EEPD1: variants seen among roughly 807,000 people sequenced by gnomAD.
EEPD1 encodes endonuclease/exonuclease/phosphatase family domain containing 1, also known as endonuclease/exonuclease/phosphatase family domain-containing protein 1.
Under a neutral mutation model 46.3 loss-of-function variants are expected in EEPD1, and 17 were observed. The observed-to-expected ratio is 0.37, with a 90% CI of 0.25 to 0.55. The LOEUF (loss-of-function observed/expected upper bound fraction) is 0.55, where lower values mean the gene tolerates loss of function less well. Ranked by LOEUF, EEPD1 falls within the 20% of genes least tolerant of loss-of-function variation. EEPD1 has a pLI of 0.83. For synonymous variants in EEPD1, 313 were observed against 315.6 expected, an observed-to-expected ratio of 0.99 and a Z score of 0.09; for missense variants, 673 against 745.6, an observed-to-expected ratio of 0.90 and a Z score of 1.13.
chr7:36,281,009 A>C, intron 3 of EEPD1, 106 bp from the exon 4 acceptor site: 1 of 866,194 alleles, frequency 1.2e-6, no homozygotes, highest in Non-Finnish European at 1.8e-6. Flanking sequence ...TGTCTGAATA[A>C]GGCTGATGAC....
At position 36,154,648 on chromosome 7, in the gene EEPD1, G is replaced by T; in HGVS notation, c.324G>T (p.Gln108His). The T allele has an allele frequency of 6.2e-7, 1 of 1,613,904 alleles. No homozygotes were observed. Among genetic ancestry groups the T allele is most frequent in the Non-Finnish European group, 8.5e-7 (1 of 1,180,022 alleles). Residue 108 changes from glutamine (Q) to histidine (H), a missense_variant, in exon 2 of 8, where the codon CAG becomes CAT. By Grantham distance (24) the Gln-to-His change is conservative. Coordinates refer to ENST00000242108, the MANE Select transcript of EEPD1 (RefSeq NM_030636.3). This position sits in a 1 kb window ranked among gnomAD's most constrained non-coding sequence, Gnocchi z 4.2. ...TGAGCAGCAAGGGCAGCTCAGCGCA[G>T]CACTCTCCCAGTTCCCTGCGGCGGG... The part of the protein sequence containing the change: ...ICVSSKGSSA[Q>H]HSPSSLRRDL...
intron 2 of EEPD1, among the ~76,000 whole-genome samples, chr7:36,184,852 T>C (rs1247570838): frequency 6.6e-6 from 1 of 152,034 alleles, no homozygotes; most frequent in African/African-American, 2.4e-5. Context: ...TGCCTCAGCC[T>C]CTCGAGTAGC....
At chr7:36,226,567 G>A (rs114583104) in intron 2 of EEPD1, among the ~76,000 whole-genome samples, 4 of 152,294 alleles carry the variant, frequency 2.6e-5, no homozygotes, top group African/African-American at 9.6e-5. Context: ...AAATGGAAAC[G>A]TGAACTCAGC....
At chr7:36,181,482 C>T (rs2540662) in intron 2 of EEPD1, among the ~76,000 whole-genome samples, 20,866 of 152,164 alleles carry the variant, frequency 0.14, 1,754 homozygotes, top group Non-Finnish European at 0.2. Flanking sequence ...CTAGCACAGC[C>T]TGACACCTAG....
intron 2 of EEPD1, among the ~76,000 whole-genome samples, chr7:36,190,715 C>CA (rs1256886870): frequency 6.6e-6 from 1 of 152,178 alleles, no homozygotes; most frequent in African/African-American, 2.4e-5. Context: ...GCCTGGCACA[C>CA]AAAAATAATA....
At chr7:36,201,775 G>A (rs1167438604) in intron 2 of EEPD1, among the ~76,000 whole-genome samples, 1 of 152,132 alleles carries the variant, frequency 6.6e-6, no homozygotes, top group Non-Finnish European at 1.5e-5. Context: ...AACAAAGCCT[G>A]CAGGTGCATT....
chr7:36,256,601 T>G lies in EEPD1; in HGVS notation c.930+17565T>G, dbSNP rs1786831609. Among the ~76,000 whole-genome samples the G allele has an allele frequency of 2.0e-5, 3 of 152,230 alleles. No homozygotes were observed. In the South Asian group the frequency reaches 6.2e-4, roughly 32 times the overall value. The stretch of plus-strand genomic sequence containing the variant: ...TGCCCTTCTTTGTCTTTTTTGATCT[T>G]TGTTGGTTTAAAGTCTGTTTTATCA... On this transcript the variant is annotated intron_variant, in intron 3 of 7. Transcript: ENST00000242108.
At chr7:36,209,092 A>G (rs949888251) in intron 2 of EEPD1, among the ~76,000 whole-genome samples, 1 of 152,186 alleles carries the variant, frequency 6.6e-6, no homozygotes, top group Non-Finnish European at 1.5e-5. Context: ...AGTGGGGGTA[A>G]TAACAATGGG....
intron 3 of EEPD1, among the ~76,000 whole-genome samples, chr7:36,267,578 A>T (rs1164037755): frequency 6.6e-6 from 1 of 152,096 alleles, no homozygotes; most frequent in Non-Finnish European, 1.5e-5. Context: ...GTGAACACCA[A>T]CACCAAGACC....
chr7:36,244,859 G>C (rs1231102533), intron 3 of EEPD1, among the ~76,000 whole-genome samples: 1 of 133,578 alleles, frequency 7.5e-6, no homozygotes, highest in Non-Finnish European at 1.6e-5. Context: ...TGCAACCTCC[G>C]CATCCTGAGT....
intron 2 of EEPD1, among the ~76,000 whole-genome samples, chr7:36,211,951 G>A (rs888872881): frequency 6.6e-6 from 1 of 151,740 alleles, no homozygotes; most frequent in Non-Finnish European, 1.5e-5. Context: ...ATTAACTTTT[G>A]TGTATCACAA....
intron 6 of EEPD1, among the ~76,000 whole-genome samples, chr7:36,288,763 TAAA>T (rs200857063): frequency 6.6e-5 from 9 of 135,540 alleles, no homozygotes; most frequent in Non-Finnish European, 8.0e-5. Flanking sequence ...CCCCATCTCT[TAAA>T]AAAAAAAAAA....
At chr7:36,198,836 C>T (rs1473157722) in intron 2 of EEPD1, among the ~76,000 whole-genome samples, 1 of 151,982 alleles carries the variant, frequency 6.6e-6, no homozygotes, top group Non-Finnish European at 1.5e-5. Context: ...TGGTGAAGCC[C>T]GCCTTCTCCT....
At chr7:36,271,593 G>A (rs1203590159) in intron 3 of EEPD1, among the ~76,000 whole-genome samples, 1 of 151,858 alleles carries the variant, frequency 6.6e-6, no homozygotes, top group African/African-American at 2.4e-5. Flanking sequence ...TTCTTTTGCT[G>A]TGCAGAAGCT....
At chr7:36,174,907 G>T (rs1785150176) in intron 2 of EEPD1, among the ~76,000 whole-genome samples, 1 of 152,248 alleles carries the variant, frequency 6.6e-6, no homozygotes, top group Non-Finnish European at 1.5e-5. Flanking sequence ...GAGGAACGAT[G>T]CCCAAATTGG....
intron 2 of EEPD1, among the ~76,000 whole-genome samples, chr7:36,165,411 C>CTT (rs56236165): frequency 0.21 from 12,847 of 62,216 alleles, 3,908 homozygotes; most frequent in Non-Finnish European, 0.25. Flanking sequence ...GATCCATTTC[C>CTT]TTTTTTTTTT....
chr7:36,238,074 C>G (rs1786489776), intron 2 of EEPD1, among the ~76,000 whole-genome samples: 1 of 152,166 alleles, frequency 6.6e-6, no homozygotes, highest in Non-Finnish European at 1.5e-5. Context: ...GGGTTCCTCT[C>G]CTTTTTAGAC....
At chr7:36,197,896 A>G (rs1225939447) in intron 2 of EEPD1, among the ~76,000 whole-genome samples, 1 of 151,802 alleles carries the variant, frequency 6.6e-6, no homozygotes, top group Admixed American at 6.6e-5. Context: ...TCAATAAAAA[A>G]AAAAATAAAA....
chr7:36,226,007 T>C (rs1352788140), intron 2 of EEPD1, among the ~76,000 whole-genome samples: 1 of 152,224 alleles, frequency 6.6e-6, no homozygotes, highest in Non-Finnish European at 1.5e-5. Context: ...CCAGATTCCA[T>C]AAAACTAGAG....
Sources: gnomAD v4.1 joint callset for allele counts (sites outside exome capture counted in the v4.1 genomes callset) on GRCh38, gnomAD v4.1.1 for gene constraint, Gnocchi (gnomAD v3.1) non-coding constraint, MANE v1.5 for transcripts, NCBI Gene and HGNC (gene_info 2026-07-23, HGNC 2026-07-21) for gene names.